CSMD1: variants seen among roughly 807,000 people sequenced by gnomAD.
The protein encoded by CSMD1 is CUB and sushi domain-containing protein 1.
Under a neutral mutation model 417.5 loss-of-function variants are expected in CSMD1, and 213 were observed. The observed-to-expected ratio is 0.51, with a 90% CI of 0.46 to 0.57. The LOEUF is 0.57. Ranked by LOEUF, CSMD1 falls within the 20% of genes least tolerant of loss-of-function variation. The pLI is 0.00. For missense variants in CSMD1, 6,923 were observed against 4,529.7 expected (o/e 1.53, Z -15.17); for synonymous variants, 2,862 against 1,736.8 (o/e 1.65, Z -16.11).
intron 2 of CSMD1, among the ~76,000 whole-genome samples, chr8:4,616,675 C>T (rs1301273570): frequency 6.6e-6 from 1 of 152,196 alleles, no homozygotes; most frequent in African/African-American, 2.4e-5. Flanking sequence ...CAACAGTAAA[C>T]TGACTTTAAA....
intron 7 of CSMD1, among the ~76,000 whole-genome samples, chr8:3,644,321 G>C (rs935068924): frequency 6.6e-6 from 1 of 152,190 alleles, no homozygotes; most frequent in South Asian, 2.1e-4. Context: ...TGAAAGCATA[G>C]GTCTTAGAGG....
intron 1 of CSMD1, among the ~76,000 whole-genome samples, chr8:4,811,388 T>A (rs182200960): frequency 1.2e-4 from 17 of 144,272 alleles, no homozygotes; most frequent in South Asian, 6.6e-4. Flanking sequence ...TTAAAATTAG[T>A]TTTTTTTAAG....
intron 10 of CSMD1, among the ~76,000 whole-genome samples, chr8:3,518,349 C>T (rs1215811347): frequency 6.6e-6 from 1 of 152,052 alleles, no homozygotes; most frequent in Non-Finnish European, 1.5e-5. Flanking sequence ...ACCTGCGTAC[C>T]AACATCATAT....
At chr8:3,341,230 T>C (rs1460007453) in intron 23 of CSMD1, among the ~76,000 whole-genome samples, 2 of 152,082 alleles carry the variant, frequency 1.3e-5, no homozygotes, top group East Asian at 3.9e-4. Context: ...GCCGACCACC[T>C]ATAGTTTCCA....
Position 3,808,510 on chromosome 8 carries a change from G to C in CSMD1, c.819-54468C>G, listed in dbSNP as rs6988435. On this transcript the variant is annotated intron_variant, in intron 5 of 69. Transcript: ENST00000635120. ...TTTCTGCCTTATGAAGAAAGACTAA[G>C]AGCATGCTACCGTGGTGAATTTACA... is the stretch of plus-strand genomic sequence containing the variant. 6.9e-3 allele frequency among the ~76,000 whole-genome samples: 1,057 copies of C among 152,238 alleles called. 14 individuals carry two copies. Among genetic ancestry groups the C allele is most frequent in the African/African-American group, 0.024 (997 of 41,534 alleles).
intron 3 of CSMD1, among the ~76,000 whole-genome samples, chr8:4,184,742 T>C (rs1798567940): frequency 6.7e-6 from 1 of 149,142 alleles, no homozygotes; most frequent in Non-Finnish European, 1.5e-5. Context: ...AACTAATGGG[T>C]ACTGGGCTTA....
At chr8:4,000,113 C>T (rs1175270026) in intron 4 of CSMD1, among the ~76,000 whole-genome samples, 1 of 152,230 alleles carries the variant, frequency 6.6e-6, no homozygotes, top group African/African-American at 2.4e-5. Context: ...CCCCGCCCTC[C>T]GTGGGCACCA....
chr8:3,935,681 C>T (rs1352846123), intron 5 of CSMD1, among the ~76,000 whole-genome samples: 1 of 152,146 alleles, frequency 6.6e-6, no homozygotes, highest in East Asian at 1.9e-4. Flanking sequence ...TGTGTTCTGA[C>T]TGCTCCACTG....
chr8:3,927,094 GTAT>G (rs1353396641), intron 5 of CSMD1, among the ~76,000 whole-genome samples: 3 of 151,480 alleles, frequency 2.0e-5, no homozygotes, highest in African/African-American at 4.8e-5. Flanking sequence ...TTATCTTTAG[GTAT>G]TATTATCGTT....
At chr8:3,261,858 G>A (rs74456214) in intron 26 of CSMD1, among the ~76,000 whole-genome samples, 52 of 152,186 alleles carry the variant, frequency 3.4e-4, no homozygotes, top group African/African-American at 1.2e-3. Context: ...CATGCGGGCC[G>A]AGGTCAATGG....
chr8:4,693,568 A>C (rs1806915179), intron 1 of CSMD1, among the ~76,000 whole-genome samples: 1 of 152,192 alleles, frequency 6.6e-6, no homozygotes, highest in South Asian at 2.1e-4. Context: ...CATCAATCAA[A>C]ACAGCCCATT....
At chr8:3,811,693 T>C (rs941239541) in intron 5 of CSMD1, among the ~76,000 whole-genome samples, 1 of 152,062 alleles carries the variant, frequency 6.6e-6, no homozygotes, top group African/African-American at 2.4e-5. Context: ...TAGATGGATG[T>C]TTGTTTTTGT....
At chr8:3,507,822 T>A (rs1369979102) in intron 10 of CSMD1, among the ~76,000 whole-genome samples, 1 of 152,216 alleles carries the variant, frequency 6.6e-6, no homozygotes, top group Non-Finnish European at 1.5e-5. Flanking sequence ...AAATATCTGT[T>A]CATATCCTTT....
Position 4,765,043 on chromosome 8 carries a change from A to G in CSMD1, c.86-127485T>C, listed in dbSNP as rs371716985. 2.4e-4 allele frequency among the ~76,000 whole-genome samples: 36 copies of G among 152,160 alleles called. 1 individual carries two copies. The South Asian group carries it at 3.9e-3, about 17-fold the overall frequency. On this transcript the variant is annotated intron_variant, in intron 1 of 69. Transcript: ENST00000635120. ...TAATTAAGCAACTGCATGTTTTCGC[A>G]CCTATGTAGAGAGCTATCACACAGC... is the stretch of plus-strand genomic sequence containing the variant.
rs535727293 is a variant in CSMD1 at position 4,025,882 on chromosome 8, A to G, written c.610+6023T>C. ...TTTTTCTTTAAAGAACATCACGGCT[A>G]CATATATAATACATTTAGGTGTCAT... On this transcript the variant is annotated intron_variant, in intron 4 of 69. Transcript: ENST00000635120. Among the ~76,000 whole-genome samples, 12 of 152,260 alleles carry G rather than the reference A, an allele frequency of 7.9e-5. No homozygotes were observed. In the East Asian group the frequency reaches 1.2e-3, roughly 15 times the overall value.
At chr8:4,054,278 T>C (rs949565401) in intron 3 of CSMD1, among the ~76,000 whole-genome samples, 6 of 52,486 alleles carry the variant, frequency 1.1e-4, no homozygotes, top group African/African-American at 3.9e-4. Context: ...GACGGGGAAG[T>C]GAAGATGTGG....
intron 5 of CSMD1, among the ~76,000 whole-genome samples, chr8:3,779,369 G>T (rs1211500445): frequency 6.6e-6 from 1 of 152,120 alleles, no homozygotes; most frequent in South Asian, 2.1e-4. Context: ...AATGACCCAA[G>T]ATGAAGAAGG....
chr8:4,980,902 G>GAA (rs113606855), intron 1 of CSMD1, among the ~76,000 whole-genome samples: 21 of 143,476 alleles, frequency 1.5e-4, no homozygotes, highest in African/African-American at 4.3e-4. Flanking sequence ...AGACTGTCTC[G>GAA]AAAAAAAAAA....
intron 3 of CSMD1, among the ~76,000 whole-genome samples, chr8:4,203,163 G>C (rs190171099): frequency 6.6e-6 from 1 of 152,152 alleles, no homozygotes; most frequent in African/African-American, 2.4e-5. Flanking sequence ...AGGTCAGAGG[G>C]ACATGTCATT....
Sources: gnomAD v4.1 joint callset for allele counts (sites outside exome capture counted in the v4.1 genomes callset) on GRCh38, gnomAD v4.1.1 for gene constraint, MANE v1.5 for transcripts, NCBI Gene and HGNC (gene_info 2026-07-23, HGNC 2026-07-21) for gene names.